Variants in CPQ observed in about 807,000 individuals in gnomAD.
The protein encoded by CPQ is carboxypeptidase Q.
A neutral mutation model predicts 45.7 loss-of-function variants in CPQ; 37 were observed. The ratio of observed to expected loss-of-function variants is 0.81; its 90% CI spans 0.62 to 1.07. CPQ has a LOEUF of 1.07. Among genes scored for constraint, CPQ ranks in the 50% least tolerant of loss-of-function variants. The pLI, the probability that CPQ is intolerant of heterozygous loss-of-function variation, is 0.00. For synonymous variants in CPQ, 186 were observed against 205.8 expected, an observed-to-expected ratio of 0.90 and a Z score of 0.82; for missense variants, 537 against 572.9, an observed-to-expected ratio of 0.94 and a Z score of 0.64.
chr8:96,783,797 T>A (rs1810722032), intron 1 of CPQ, among the ~76,000 whole-genome samples: 1 of 152,216 alleles, frequency 6.6e-6, no homozygotes, highest in Non-Finnish European at 1.5e-5. Context: ...ATCTTTAGTT[T>A]AATTTAATTT....
At chr8:96,963,009 GT>G (rs1200393106) in intron 4 of CPQ, among the ~76,000 whole-genome samples, 28 of 152,186 alleles carry the variant, frequency 1.8e-4, no homozygotes, top group Admixed American at 1.6e-3. Context: ...ATATCGCTTA[GT>G]TTCCTATCAT....
At chr8:96,894,187 C>T (rs1161642239) in intron 4 of CPQ, among the ~76,000 whole-genome samples, 1 of 152,148 alleles carries the variant, frequency 6.6e-6, no homozygotes, top group African/African-American at 2.4e-5. Flanking sequence ...GACTTCAACC[C>T]TGGCCAATAT....
intron 7 of CPQ, among the ~76,000 whole-genome samples, chr8:97,083,577 CAT>C (rs1162939150): frequency 2.0e-5 from 3 of 152,184 alleles, no homozygotes; most frequent in Non-Finnish European, 2.9e-5. Flanking sequence ...ATATTAATAA[CAT>C]TACTAGCTCT....
rs190773547 is a variant in CPQ at position 97,004,738 on chromosome 8, A to G, written c.962-24665A>G. Among the ~76,000 whole-genome samples, 328 of 152,302 alleles carry G rather than the reference A, an allele frequency of 2.2e-3. 1 individual carries two copies. Among genetic ancestry groups the G allele is most frequent in the South Asian group, 9.5e-3 (46 of 4,824 alleles). On this transcript the variant is annotated intron_variant, in intron 5 of 7. Transcript: ENST00000220763. ...CAAATAGAAATACAGAGAGACTGTG[A>G]AATAGCACAGATAAATGTCTAAGCT...
At chr8:96,896,019 T>C (rs1812437292) in intron 4 of CPQ, among the ~76,000 whole-genome samples, 2 of 152,074 alleles carry the variant, frequency 1.3e-5, no homozygotes, top group African/African-American at 4.8e-5. Flanking sequence ...ATACTGTAAA[T>C]CTCCATTTGT....
chr8:96,803,022 T>C lies in CPQ; in HGVS notation c.433+17692T>C, dbSNP rs558929280. Among the ~76,000 whole-genome samples the C allele has an allele frequency of 3.3e-3, 466 of 141,082 alleles. 4 individuals carry two copies. The highest frequency in any genetic ancestry group is 5.2e-3 in the Non-Finnish European group (333 of 63,550). The allele number at this position is 141,082 out of a possible 152,430, so 92.6% of individuals were successfully genotyped here. On this transcript the variant is annotated intron_variant, in intron 2 of 7. Coordinates refer to ENST00000220763, the MANE Select transcript of CPQ (RefSeq NM_016134.4). ...ACACACACACACACACACACACACA[T>C]GGCCTCTTTGGAGGCCAAGAAGTCT...
intron 1 of CPQ, among the ~76,000 whole-genome samples, chr8:96,725,446 A>G (rs76760868): frequency 0.048 from 7,324 of 152,304 alleles, 196 homozygotes; most frequent in Middle Eastern, 0.1. Flanking sequence ...ACTTATCAAA[A>G]GAAGACAGAC....
At chr8:96,759,290 T>C (rs1240510963) in intron 1 of CPQ, among the ~76,000 whole-genome samples, 2 of 152,052 alleles carry the variant, frequency 1.3e-5, no homozygotes, top group Non-Finnish European at 2.9e-5. Context: ...CCCCCAAACC[T>C]CCAGTAAAGA....
intron 7 of CPQ, among the ~76,000 whole-genome samples, chr8:97,105,418 A>G (rs1257657154): frequency 6.6e-6 from 1 of 152,216 alleles, no homozygotes; most frequent in African/African-American, 2.4e-5. Flanking sequence ...AGGCTAAATA[A>G]TATTCCATTG....
At chr8:97,122,436 T>C (rs1811721627) in intron 7 of CPQ, among the ~76,000 whole-genome samples, 1 of 152,072 alleles carries the variant, frequency 6.6e-6, no homozygotes, top group Non-Finnish European at 1.5e-5. Flanking sequence ...AGCAAAAATA[T>C]TCCTCAAAAA....
intron 1 of CPQ, among the ~76,000 whole-genome samples, chr8:96,742,654 C>T (rs1810109726): frequency 6.6e-6 from 1 of 152,028 alleles, no homozygotes; most frequent in African/African-American, 2.4e-5. Flanking sequence ...TTCAGGAGCT[C>T]TTTTAGGGCA....
chr8:96,672,161 G>A (rs1260296178), intron 1 of CPQ, among the ~76,000 whole-genome samples: 1 of 152,168 alleles, frequency 6.6e-6, no homozygotes, highest in Non-Finnish European at 1.5e-5. Flanking sequence ...TGTGAAAGTT[G>A]TTGTTCTAGA....
chr8:96,795,192 C>T (rs1025846871), intron 2 of CPQ, among the ~76,000 whole-genome samples: 26 of 152,206 alleles, frequency 1.7e-4, no homozygotes, highest in African/African-American at 6.0e-4. Context: ...AAGAGATTTA[C>T]TAGACTTACA....
intron 4 of CPQ, among the ~76,000 whole-genome samples, chr8:96,964,400 A>G (rs1485693432): frequency 1.3e-5 from 2 of 152,130 alleles, no homozygotes; most frequent in Non-Finnish European, 2.9e-5. Context: ...CATTTTAGCC[A>G]TCTGGTTCAA....
intron 4 of CPQ, among the ~76,000 whole-genome samples, chr8:96,907,179 T>A (rs1281939152): frequency 6.6e-6 from 1 of 152,228 alleles, no homozygotes; most frequent in Non-Finnish European, 1.5e-5. Flanking sequence ...GTTTATTTAC[T>A]GCTCATGTAG....
At chr8:96,657,460 TATTC>T (rs1238208235) in intron 1 of CPQ, among the ~76,000 whole-genome samples, 2 of 152,226 alleles carry the variant, frequency 1.3e-5, no homozygotes, top group Admixed American at 6.5e-5. Context: ...TTCAGTGGCC[TATTC>T]ATTCAGCTGT....
At chr8:96,790,007 C>A (rs573366713) in intron 2 of CPQ, among the ~76,000 whole-genome samples, 2 of 152,202 alleles carry the variant, frequency 1.3e-5, no homozygotes, top group Admixed American at 1.3e-4. Flanking sequence ...TTGGTTCTTT[C>A]TGTTAAAGCT....
At chr8:96,976,519 CA>C (rs1174887425) in intron 5 of CPQ, among the ~76,000 whole-genome samples, 1 of 151,824 alleles carries the variant, frequency 6.6e-6, no homozygotes, top group African/African-American at 2.4e-5. Context: ...AATATGGAAC[CA>C]AAAAAGAGCC....
At chr8:97,054,293 G>A (rs1810414243) in intron 6 of CPQ, among the ~76,000 whole-genome samples, 1 of 152,144 alleles carries the variant, frequency 6.6e-6, no homozygotes, top group Non-Finnish European at 1.5e-5. Context: ...TCGTGGATGT[G>A]GTGAAAAGGG....
Sources: gnomAD v4.1 joint callset for allele counts (sites outside exome capture counted in the v4.1 genomes callset) on GRCh38, gnomAD v4.1.1 for gene constraint, MANE v1.5 for transcripts, NCBI Gene and HGNC (gene_info 2026-07-23, HGNC 2026-07-21) for gene names.